HEATR5B: variants seen among roughly 807,000 people sequenced by gnomAD.
The protein encoded by HEATR5B is HEAT repeat-containing protein 5B.
A neutral mutation model predicts 224.1 loss-of-function variants in HEATR5B; 156 were observed. The ratio of observed to expected loss-of-function variants is 0.70; its 90% CI spans 0.61 to 0.80. HEATR5B has a LOEUF of 0.80. HEATR5B is among the 30% of genes least tolerant of loss of function. HEATR5B has a pLI of 0.00. For synonymous variants in HEATR5B, 1,027 were observed against 893.0 expected, an observed-to-expected ratio of 1.15 and a Z score of -2.68; for missense variants, 2,323 against 2,535.5, an observed-to-expected ratio of 0.92 and a Z score of 1.80.
At chr2:37,066,633 T>A (rs1671606121) in intron 8 of HEATR5B, among the ~76,000 whole-genome samples, 1 of 152,088 alleles carries the variant, frequency 6.6e-6, no homozygotes, top group Non-Finnish European at 1.5e-5. Flanking sequence ...CAACCAAAGA[T>A]CGCTTGCCAA....
At chr2:36,981,873 A>T in intron 35 of HEATR5B, 79 bp from the exon 36 acceptor site, 1 of 1,008,500 alleles carries the variant, frequency 9.9e-7, no homozygotes, top group Non-Finnish European at 1.5e-6. Flanking sequence ...ATTGCCATGG[A>T]AGACTGAACA....
At chr2:37,011,219 G>T (rs767672930) in intron 27 of HEATR5B, among the ~76,000 whole-genome samples, 2 of 152,162 alleles carry the variant, frequency 1.3e-5, no homozygotes, top group Non-Finnish European at 2.9e-5. Flanking sequence ...CGTTTTTAAG[G>T]ACAAAAGTTG....
At position 36,981,224 on chromosome 2, in the gene HEATR5B, A is replaced by G. The variant is rs1021624680; in HGVS notation, c.*266T>C. The G allele has an allele frequency of 6.3e-6, 2 of 317,776 alleles. No homozygotes were observed. The highest frequency in any genetic ancestry group is 1.1e-5 in the Non-Finnish European group (2 of 176,056). The allele number at this position is 317,776 out of a possible 1,614,324, so 19.7% of individuals were successfully genotyped here. A position where few individuals can be genotyped will look rare whatever the true frequency, so the allele number is the denominator to read the frequency against. On this transcript the variant is annotated 3_prime_UTR_variant, in exon 36 of 36. Coordinates refer to ENST00000233099, the MANE Select transcript of HEATR5B (RefSeq NM_019024.3). Reference sequence around the variant, plus strand: ...GTTTTTAGCATTTAAATTTAAGACTATGGCTCAGTGTTTGAAAAATAAATA... The same window carrying G: ...GTTTTTAGCATTTAAATTTAAGACTGTGGCTCAGTGTTTGAAAAATAAATA...
In HEATR5B at chr2:37,050,010, C is replaced by G. The variant is rs182863149; in HGVS notation, c.2506-167G>C. Among the ~76,000 whole-genome samples the G allele has an allele frequency of 1.1e-4, 16 of 152,036 alleles. No individual in the cohort carries two copies. In the South Asian group the frequency reaches 2.3e-3, roughly 22 times the overall value. On this transcript the variant is annotated intron_variant, in intron 17 of 35. Transcript: ENST00000233099. ...AGCTCAAGCAATCCTCCCAGCTCAG[C>G]CTCCTGAGTAGCTGGGACTATAGGC... is the stretch of plus-strand genomic sequence containing the variant.
chr2:37,042,034 T>A (rs1284022357), intron 18 of HEATR5B, among the ~76,000 whole-genome samples: 1 of 152,064 alleles, frequency 6.6e-6, no homozygotes, highest in Non-Finnish European at 1.5e-5. Context: ...AAAAGGCCAA[T>A]CTTTTTTCTT....
chr2:37,043,584 A>G (rs971063854), intron 18 of HEATR5B, among the ~76,000 whole-genome samples: 1 of 149,490 alleles, frequency 6.7e-6, no homozygotes, highest in Admixed American at 6.6e-5. Context: ...GCTTCTTATG[A>G]CTTTTTTGTT....
At chr2:37,001,347 G>A (rs961951458) in intron 32 of HEATR5B, among the ~76,000 whole-genome samples, 2 of 151,900 alleles carry the variant, frequency 1.3e-5, no homozygotes, top group Non-Finnish European at 2.9e-5. Context: ...CCCACAAAAG[G>A]AAAAAATACC....
At position 36,981,807 on chromosome 2, in the gene HEATR5B, A is replaced by C; in HGVS notation, c.5912-13T>G. 6.4e-7 allele frequency: 1 copy of C among 1,558,388 alleles called. No homozygotes were observed. Among genetic ancestry groups the C allele is most frequent in the Non-Finnish European group, 8.7e-7 (1 of 1,150,654 alleles). On this transcript the variant is annotated splice_polypyrimidine_tract_variant and intron_variant, in intron 35 of 35. Transcript: ENST00000233099. ...AGTAGCTGGACTCCTGTAAATAATA[A>C]AGTATGAAAAAAGATCACAAACATA...
At position 37,065,918 on chromosome 2, in the gene HEATR5B, C is replaced by T; in HGVS notation, c.1178-8G>A. 3 of 1,598,154 alleles carry T rather than the reference C, an allele frequency of 1.9e-6. No homozygotes were observed. Among genetic ancestry groups the T allele is most frequent in the Non-Finnish European group, 2.6e-6 (3 of 1,167,978 alleles). Reference sequence around the variant, plus strand: ...TGTCATTCACTACTGCTTCTGGAAACACAAAATCATGTCTTTGACATAGGA... The same window carrying T: ...TGTCATTCACTACTGCTTCTGGAAATACAAAATCATGTCTTTGACATAGGA... On this transcript the variant is annotated splice_polypyrimidine_tract_variant and splice_region_variant and intron_variant, in intron 8 of 35. Coordinates refer to ENST00000233099, the MANE Select transcript of HEATR5B (RefSeq NM_019024.3).
chr2:36,987,384 G>A (rs1041660503), intron 35 of HEATR5B, among the ~76,000 whole-genome samples: 12 of 150,496 alleles, frequency 8.0e-5, no homozygotes, highest in South Asian at 2.1e-4. Flanking sequence ...AGCCAAGATC[G>A]TGCCACCGCA....
chr2:37,014,214 C>T (rs1222275179), intron 26 of HEATR5B, among the ~76,000 whole-genome samples, 194 bp from the exon 27 acceptor site: 3 of 152,122 alleles, frequency 2.0e-5, no homozygotes, highest in South Asian at 2.1e-4. Context: ...CAGGCTGCAG[C>T]GGAGTGGCGT....
At position 36,990,872 on chromosome 2, in the gene HEATR5B, G is replaced by C. The variant is rs540800472; in HGVS notation, c.5546-73C>G. The C allele has an allele frequency of 3.7e-4, 471 of 1,280,892 alleles. 3 individuals are homozygous for C. The African/African-American group carries it at 6.6e-3, about 18-fold the overall frequency. 79.3% of individuals were successfully genotyped at this position (1,280,892 alleles called of 1,614,324 possible). A position where few individuals can be genotyped will look rare whatever the true frequency, so the allele number is the denominator to read the frequency against. ...CATTTTATTTTTTTATTTTTGTAGA[G>C]AGAGACGTTGTCTTGCCATGTTGTC... On this transcript the variant is annotated intron_variant, in intron 33 of 35. Coordinates refer to ENST00000233099, the MANE Select transcript of HEATR5B (RefSeq NM_019024.3).
intron 35 of HEATR5B, among the ~76,000 whole-genome samples, chr2:36,988,046 T>A (rs1056422878): frequency 2.6e-5 from 4 of 151,236 alleles, no homozygotes; most frequent in Admixed American, 1.3e-4. Context: ...CATGCCAGCC[T>A]GGGTGACAGA....
chr2:36,999,775 A>G (rs1250348946), intron 33 of HEATR5B, among the ~76,000 whole-genome samples: 2 of 151,876 alleles, frequency 1.3e-5, no homozygotes, highest in South Asian at 2.1e-4. Flanking sequence ...CAACTTTGGG[A>G]GGCCAAGGCA....
chr2:37,005,731 A>T lies in HEATR5B; in HGVS notation c.4806T>A (p.Pro1602=). 1 of 1,598,616 alleles carries T rather than the reference A, an allele frequency of 6.3e-7. No homozygotes were observed. Among genetic ancestry groups the T allele is most frequent in the East Asian group, 2.2e-5 (1 of 44,810 alleles). ...CATGTTCAATGGGCTCCTCAGGTCT[A>T]GGGGAACAAAGAAACTGTATACTCA... is the stretch of plus-strand genomic sequence containing the variant. ...LGVSIQFLCS[P]RPEEPIEHVT... Residue 1602 remains proline (P), a synonymous_variant, in exon 30 of 36, where the codon CCT becomes CCA. Coordinates refer to ENST00000233099, the MANE Select transcript of HEATR5B (RefSeq NM_019024.3).
At chr2:37,055,282 T>C (rs1670836054) in intron 16 of HEATR5B, among the ~76,000 whole-genome samples, 1 of 141,798 alleles carries the variant, frequency 7.1e-6, no homozygotes, top group African/African-American at 2.5e-5. Context: ...ATTTATGTTA[T>C]TTATTATATG....
At chr2:37,034,238 CCTT>C (rs1669326738) in intron 21 of HEATR5B, among the ~76,000 whole-genome samples, 1 of 150,710 alleles carries the variant, frequency 6.6e-6, no homozygotes, top group Non-Finnish European at 1.5e-5. Flanking sequence ...CATCTCCTGA[CCTT>C]CTGATCCGCC....
intron 18 of HEATR5B, among the ~76,000 whole-genome samples, chr2:37,047,508 G>C (rs1191976609): frequency 6.6e-6 from 1 of 152,116 alleles, no homozygotes; most frequent in Non-Finnish European, 1.5e-5. Flanking sequence ...AATAATCTTA[G>C]ATATAAGAAT....
Position 37,013,831 on chromosome 2 carries a change from TA to T in HEATR5B, c.4284+9del, listed in dbSNP as rs777868298. ...GGGTCAAAAACAATAGATTGTGGTT[TA>T]GTCGTTACCTCTGCCCAAGCTTTGA... On this transcript the variant is annotated intron_variant, in intron 27 of 35. Transcript: ENST00000233099. 1 of 1,550,568 alleles carries T rather than the reference TA, an allele frequency of 6.4e-7. No individual in the cohort carries two copies. Among genetic ancestry groups the T allele is most frequent in the East Asian group, 2.3e-5 (1 of 42,762 alleles).
Sources: allele counts gnomAD v4.1 joint callset (sites outside exome capture counted in the v4.1 genomes callset), GRCh38; gene constraint gnomAD v4.1.1; transcripts MANE v1.5; gene names NCBI Gene and HGNC (gene_info 2026-07-23, HGNC 2026-07-21).